The following RYR3 variants were observed in gnomAD, a reference collection of about 807,000 sequenced individuals.
The protein encoded by RYR3 is brain ryanodine receptor-calcium release channel.
Under a neutral mutation model 584.3 loss-of-function variants are expected in RYR3, and 207 were observed. That is an observed-to-expected ratio of 0.35 (90% CI 0.32 to 0.40). The LOEUF is 0.40. Among genes scored for constraint, RYR3 ranks in the 10% least tolerant of loss-of-function variants. The pLI is 1.00. For missense variants in RYR3, 5,616 were observed against 6,089.2 expected, an observed-to-expected ratio of 0.92 and a Z score of 2.59; for synonymous variants, 2,416 against 2,248.5, an observed-to-expected ratio of 1.07 and a Z score of -2.11.
chr15:33,818,625 A>G lies in RYR3; in HGVS notation c.10647A>G (p.Gln3549=), dbSNP rs775372067. 3.7e-6 allele frequency: 6 copies of G among 1,613,960 alleles called. No individual in the cohort carries two copies. The highest frequency in any genetic ancestry group is 3.3e-5 in the South Asian group (3 of 91,078). Residue 3549 remains glutamine, a synonymous_variant, in exon 76 of 104, where the codon CAA becomes CAG. Coordinates refer to ENST00000634891, the MANE Select transcript of RYR3 (RefSeq NM_001036.6). ...AGGAGGAGGAAGAGACAGAAAAACAACCTGACCCACTACATCAGATCATTC... is the reference window on the plus strand; with the variant it reads ...AGGAGGAGGAAGAGACAGAAAAACAGCCTGACCCACTACATCAGATCATTC... The part of the protein sequence containing the change: ...EEEEEEETEK[Q]PDPLHQIILY...
rs1408852804 is a variant in RYR3 at position 33,333,460 on chromosome 15, A to G, written c.51+22364A>G. ...AGACAAAAACCACATGATTATCTCAATAGATGCAGAAAAGGCTTTCAGTAA... is the reference window on the plus strand; with the variant it reads ...AGACAAAAACCACATGATTATCTCAGTAGATGCAGAAAAGGCTTTCAGTAA... On this transcript the variant is annotated intron_variant, in intron 1 of 103. Transcript: ENST00000634891. 1.3e-5 allele frequency among the ~76,000 whole-genome samples: 2 copies of G among 152,246 alleles called. 1 individual carries two copies. The highest frequency in any genetic ancestry group is 2.9e-5 in the Non-Finnish European group (2 of 68,050).
chr15:33,717,050 A>G (rs1046751566), intron 43 of RYR3, among the ~76,000 whole-genome samples: 3 of 152,196 alleles, frequency 2.0e-5, no homozygotes, highest in South Asian at 2.1e-4. Flanking sequence ...ATTTCATGAA[A>G]AAGCTACATA....
At chr15:33,777,489 C>A (rs1231962422) in intron 64 of RYR3, among the ~76,000 whole-genome samples, 1 of 151,374 alleles carries the variant, frequency 6.6e-6, no homozygotes, top group East Asian at 1.9e-4. Flanking sequence ...TTTTTTTCCC[C>A]TGGGTTTAAC....
chr15:33,339,813 C>T (rs939173064), intron 1 of RYR3, among the ~76,000 whole-genome samples: 3 of 149,978 alleles, frequency 2.0e-5, no homozygotes, highest in Admixed American at 1.3e-4. Flanking sequence ...GGCGTGAACC[C>T]GGGAGGCGGA....
intron 67 of RYR3, among the ~76,000 whole-genome samples, chr15:33,798,010 A>G (rs964346338): frequency 6.6e-6 from 1 of 152,236 alleles, no homozygotes; most frequent in Non-Finnish European, 1.5e-5. Context: ...CACACGGAAA[A>G]GAAGTCCAAA....
intron 23 of RYR3, among the ~76,000 whole-genome samples, 177 bp downstream of exon 23, chr15:33,631,470 A>G (rs1423715499): frequency 6.6e-6 from 1 of 152,132 alleles, no homozygotes; most frequent in East Asian, 1.9e-4. Flanking sequence ...GTGAAGAAGT[A>G]TTTCAGGGTT....
chr15:33,568,863 C>T (rs2057863247), intron 12 of RYR3, among the ~76,000 whole-genome samples: 1 of 152,156 alleles, frequency 6.6e-6, no homozygotes, highest in Non-Finnish European at 1.5e-5. Context: ...CACCCACAGC[C>T]CTAGGCAACC....
intron 38 of RYR3, among the ~76,000 whole-genome samples, chr15:33,674,411 C>T (rs184361897): frequency 3.7e-4 from 56 of 152,304 alleles, no homozygotes; most frequent in African/African-American, 1.2e-3. Flanking sequence ...TCTACCCCTT[C>T]CATATTGTGG....
At chr15:33,841,682 C>T (rs1017503388) in intron 90 of RYR3, 182 bp from the exon 91 acceptor site, 1 of 578,300 alleles carries the variant, frequency 1.7e-6, no homozygotes, top group Non-Finnish European at 3.0e-6. Flanking sequence ...ATGGCTCATC[C>T]TCATTGAATA....
intron 2 of RYR3, among the ~76,000 whole-genome samples, chr15:33,493,009 G>T (rs1304433359): frequency 6.6e-6 from 1 of 152,168 alleles, no homozygotes; most frequent in Non-Finnish European, 1.5e-5. Flanking sequence ...GAGGGTGTAA[G>T]TGGAATGGGA....
chr15:33,855,098 C>A (rs2079510348), intron 98 of RYR3, among the ~76,000 whole-genome samples, 186 bp downstream of exon 98: 1 of 152,208 alleles, frequency 6.6e-6, no homozygotes, highest in African/African-American at 2.4e-5. Flanking sequence ...AATGTAACTG[C>A]AACCATCATC....
intron 1 of RYR3, among the ~76,000 whole-genome samples, chr15:33,418,286 C>T (rs1388750617): frequency 3.3e-5 from 5 of 150,552 alleles, no homozygotes; most frequent in Admixed American, 6.6e-5. Flanking sequence ...TGATAGAATT[C>T]GGCTGCAAAT....
In RYR3 at chr15:33,401,532, G is replaced by A. The variant is rs1031114655; in HGVS notation, c.52-71887G>A. Among the ~76,000 whole-genome samples the A allele has an allele frequency of 2.6e-5, 4 of 152,270 alleles. No homozygotes were observed. The East Asian group carries it at 5.8e-4, about 22-fold the overall frequency. ...CATTAAGATGTTGCTGTAGAAATTC[G>A]AGAATTTCTGGCCTGTAGAATAATT... On this transcript the variant is annotated intron_variant, in intron 1 of 103. Transcript: ENST00000634891.
chr15:33,355,530 G>A (rs1314603582), intron 1 of RYR3, among the ~76,000 whole-genome samples: 1 of 152,192 alleles, frequency 6.6e-6, no homozygotes, highest in Non-Finnish European at 1.5e-5. Context: ...AAGCATCAGA[G>A]ATAGGTTCGC....
At chr15:33,691,644 GA>G (rs1200478450) in intron 38 of RYR3, among the ~76,000 whole-genome samples, 1 of 151,856 alleles carries the variant, frequency 6.6e-6, no homozygotes. Flanking sequence ...TTTTCCTCCA[GA>G]AAAAAACACT....
At chr15:33,620,880 C>A (rs535359647) in intron 19 of RYR3, among the ~76,000 whole-genome samples, 1 of 152,308 alleles carries the variant, frequency 6.6e-6, no homozygotes, top group South Asian at 2.1e-4. Context: ...ACTTCTGAAG[C>A]AATCCAGGAC....
At chr15:33,515,675 G>A (rs912718780) in intron 3 of RYR3, among the ~76,000 whole-genome samples, 8 of 152,190 alleles carry the variant, frequency 5.3e-5, no homozygotes, top group Admixed American at 2.0e-4. Flanking sequence ...ACCAGGAATG[G>A]TAAGTTCGCT....
At chr15:33,336,831 G>A (rs564454916) in intron 1 of RYR3, among the ~76,000 whole-genome samples, 1 of 151,376 alleles carries the variant, frequency 6.6e-6, no homozygotes, top group African/African-American at 2.4e-5. Flanking sequence ...TGAGGCGGGC[G>A]GATCACGAGG....
Position 33,844,994 on chromosome 15 carries a change from C to G in RYR3, c.13429C>G (p.Leu4477Val). 1 of 1,613,992 alleles carries G rather than the reference C, an allele frequency of 6.2e-7. No individual in the cohort carries two copies. Among genetic ancestry groups the G allele is most frequent in the Non-Finnish European group, 8.5e-7 (1 of 1,179,888 alleles). The stretch of plus-strand genomic sequence containing the variant: ...GAGCACCGGGTATATGGCACCAACC[C>G]TGCGTGCCCTGGCCATCATCCATAC... ...QESTGYMAPTLRALAIIHTII... is the reference protein window; with the variant it reads ...QESTGYMAPTVRALAIIHTII... Residue 4477 changes from leucine (L) to valine (V), a missense_variant, in exon 93 of 104, where the codon CTG (leucine) becomes GTG (valine). Around this residue, in one of 9 missense-constraint regions of RYR3, gnomAD observed 918 missense variants for 887.4 expected, o/e 1.03. Transcript: ENST00000634891.
Sources: gnomAD v4.1 joint callset for allele counts (sites outside exome capture counted in the v4.1 genomes callset) on GRCh38, gnomAD v4.1.1 for gene constraint, gnomAD v4.1.1 regional missense constraint, MANE v1.5 for transcripts, NCBI Gene and HGNC (gene_info 2026-07-23, HGNC 2026-07-21) for gene names.